Variants in CIMIP6 observed in about 807,000 individuals in gnomAD.
CIMIP6 encodes the protein uncharacterized protein C2orf73.
chr2:54,364,227 A>T, the CIMIP6 span, among the ~76,000 whole-genome samples: 1 of 152,206 alleles, frequency 6.6e-6, no homozygotes, highest in South Asian at 2.1e-4. Context: ...TAGTGCTCTT[A>T]AATTTCACAA....
chr2:54,332,346 C>T, the CIMIP6 span, among the ~76,000 whole-genome samples: 1 of 152,224 alleles, frequency 6.6e-6, no homozygotes, highest in Admixed American at 6.5e-5. Flanking sequence ...CGCCTTTCCC[C>T]ATTAGAGTGT....
chr2:54,351,632 G>C, the CIMIP6 span, among the ~76,000 whole-genome samples: 2 of 152,128 alleles, frequency 1.3e-5, no homozygotes, highest in African/African-American at 2.4e-5. Context: ...TGGAGGGTGG[G>C]AGGAGGGAGA....
chr2:54,343,663 A>G, the CIMIP6 span: 1 of 1,297,176 alleles, frequency 7.7e-7, no homozygotes. Context: ...ACATCAAGCA[A>G]TACATGAAAA....
At chr2:54,347,185 T>C in the CIMIP6 span, among the ~76,000 whole-genome samples, 2 of 152,232 alleles carry the variant, frequency 1.3e-5, no homozygotes, top group Non-Finnish European at 2.9e-5. Flanking sequence ...AAAAGGTCAA[T>C]TGCTAACTTT....
chr2:54,358,441 G>A, the CIMIP6 span, among the ~76,000 whole-genome samples: 30 of 149,918 alleles, frequency 2.0e-4, no homozygotes, highest in East Asian at 1.9e-4. Flanking sequence ...TCTCTCTTTC[G>A]CCCAGGCTGA....
chr2:54,355,261 T>C, the CIMIP6 span, among the ~76,000 whole-genome samples: 2 of 152,212 alleles, frequency 1.3e-5, no homozygotes, highest in Non-Finnish European at 2.9e-5. Context: ...TAATTTTTCT[T>C]TGTCCCAGAT....
At chr2:54,381,883 G>C in the CIMIP6 span, 1 of 1,550,026 alleles carries the variant, frequency 6.5e-7, no homozygotes, top group East Asian at 2.4e-5. Context: ...CTGTAACAGT[G>C]GTCCTGTGCC....
At chr2:54,346,962 A>C in the CIMIP6 span, among the ~76,000 whole-genome samples, 1 of 152,176 alleles carries the variant, frequency 6.6e-6, no homozygotes, top group African/African-American at 2.4e-5. Context: ...TATTGCTCAT[A>C]ATGTGAGGAT....
the CIMIP6 span, chr2:54,335,014 C>T: frequency 4.4e-6 from 7 of 1,597,104 alleles, no homozygotes; most frequent in African/African-American, 8.1e-5. Flanking sequence ...AAAAAAGGGC[C>T]AGAAATACAG....
chr2:54,349,563 A>AT, the CIMIP6 span, among the ~76,000 whole-genome samples: 2 of 152,154 alleles, frequency 1.3e-5, no homozygotes, highest in African/African-American at 2.4e-5. Context: ...ACTTTGCCTT[A>AT]TTTTTTGCAG....
chr2:54,361,155 C>T, the CIMIP6 span: 3 of 152,202 alleles, frequency 2.0e-5, no homozygotes, highest in African/African-American at 7.2e-5. Flanking sequence ...AAACTTAGAA[C>T]TCCTCCATAT....
chr2:54,365,875 T>C, the CIMIP6 span, among the ~76,000 whole-genome samples: 1 of 152,148 alleles, frequency 6.6e-6, no homozygotes, highest in Non-Finnish European at 1.5e-5. Context: ...AATCAGTAAA[T>C]TGGAAGATAG....
the CIMIP6 span, among the ~76,000 whole-genome samples, chr2:54,374,932 C>G: frequency 6.6e-6 from 1 of 152,220 alleles, no homozygotes; most frequent in African/African-American, 2.4e-5. Flanking sequence ...ATTTATTAAT[C>G]TTACTGGAGA....
chr2:54,350,056 A>C, the CIMIP6 span, among the ~76,000 whole-genome samples: 30 of 152,024 alleles, frequency 2.0e-4, no homozygotes, highest in Non-Finnish European at 2.6e-4. Context: ...GGGTTTCACC[A>C]AGTTGGCCAG....
At chr2:54,357,577 CT>C in the CIMIP6 span, among the ~76,000 whole-genome samples, 93,503 of 115,298 alleles carry the variant, frequency 0.81, 37,312 homozygotes, top group Admixed American at 0.84. Context: ...CTCTTACGTA[CT>C]TTTTTTTTTT....
At chr2:54,357,959 C>T in the CIMIP6 span, among the ~76,000 whole-genome samples, 1 of 152,046 alleles carries the variant, frequency 6.6e-6, no homozygotes, top group Non-Finnish European at 1.5e-5. Context: ...TTATTGCCAG[C>T]AACAGTACTG....
At chr2:54,364,660 G>A in the CIMIP6 span, among the ~76,000 whole-genome samples, 1 of 152,140 alleles carries the variant, frequency 6.6e-6, no homozygotes, top group Non-Finnish European at 1.5e-5. Context: ...GGCAATGCTG[G>A]CCCATAACAA....
At chr2:54,355,280 A>G in the CIMIP6 span, among the ~76,000 whole-genome samples, 1 of 152,128 alleles carries the variant, frequency 6.6e-6, no homozygotes, top group South Asian at 2.1e-4. Context: ...ATGATGTTAA[A>G]TTTCTCTATT....
the CIMIP6 span, among the ~76,000 whole-genome samples, chr2:54,335,597 C>G: frequency 2.0e-5 from 3 of 152,224 alleles, no homozygotes; most frequent in Non-Finnish European, 4.4e-5. Flanking sequence ...CCACACTTCA[C>G]TGACTATCCC....
Sources: gnomAD v4.1 joint callset for allele counts (sites outside exome capture counted in the v4.1 genomes callset) on GRCh38, gnomAD v4.1.1 for gene constraint, MANE v1.5 for transcripts, NCBI Gene and HGNC (gene_info 2026-07-23, HGNC 2026-07-21) for gene names.